AFF3: variants seen among roughly 807,000 people sequenced by gnomAD.
AFF3 encodes AF4/FMR2 family member 3.
AFF3 carries 32 observed loss-of-function variants against 129.7 expected under a neutral mutation model. That is an observed-to-expected ratio of 0.25 (90% CI 0.19 to 0.33). The LOEUF (loss-of-function observed/expected upper bound fraction) is 0.33, where lower values mean the gene tolerates loss of function less well. Among genes scored for constraint, AFF3 ranks in the 10% least tolerant of loss-of-function variants. The pLI is 1.00. For synonymous variants in AFF3, 644 were observed against 635.4 expected, an observed-to-expected ratio of 1.01 and a Z score of -0.20; for missense variants, 1,373 against 1,592.0, an observed-to-expected ratio of 0.86 and a Z score of 2.34.
At chr2:99,625,648 T>C (rs1264221806) in intron 13 of AFF3, among the ~76,000 whole-genome samples, 1 of 152,176 alleles carries the variant, frequency 6.6e-6, no homozygotes, top group African/African-American at 2.4e-5. Context: ...TTAATTATAA[T>C]TAATCACAGA....
chr2:99,805,831 C>CACACACAG (rs1686304595), intron 8 of AFF3, among the ~76,000 whole-genome samples: 1 of 151,714 alleles, frequency 6.6e-6, no homozygotes, highest in South Asian at 2.1e-4. Flanking sequence ...CACACACACA[C>CACACACAG]ACACACACAC....
chr2:100,041,867 A>T (rs908120905), intron 4 of AFF3, among the ~76,000 whole-genome samples: 1 of 152,246 alleles, frequency 6.6e-6, no homozygotes, highest in Non-Finnish European at 1.5e-5. Context: ...ATTACATGTA[A>T]TTACATGCAG....
intron 7 of AFF3, among the ~76,000 whole-genome samples, chr2:99,878,404 G>A: frequency 6.6e-6 from 1 of 152,104 alleles, no homozygotes; most frequent in East Asian, 1.9e-4. Context: ...CTGTAATCAT[G>A]TACTTATTGG....
rs143493402 is a variant in AFF3, at chr2:99,951,706, C to T, written c.873+54926G>A. On this transcript the variant is annotated intron_variant, in intron 7 of 24. Transcript: ENST00000672756. ...TGTCCCCCAGGCTGGAGTGCAATGG[C>T]GCAATCTCGGCTCACTGCAACCTCC... 8.1e-3 allele frequency among the ~76,000 whole-genome samples: 1,232 copies of T among 152,246 alleles called. 18 individuals carry two copies. Among genetic ancestry groups the T allele is most frequent in the African/African-American group, 0.028 (1,159 of 41,544 alleles).
chr2:99,570,906 C>G (rs974201603), intron 18 of AFF3, among the ~76,000 whole-genome samples: 6 of 152,230 alleles, frequency 3.9e-5, no homozygotes, highest in African/African-American at 1.2e-4. Flanking sequence ...CAATTTCCCC[C>G]GCCGTAAGGC....
rs769729156 is a variant in AFF3 at position 100,038,727 on chromosome 2, CT to C, written c.54-29796del. 5.2e-3 allele frequency among the ~76,000 whole-genome samples: 732 copies of C among 141,918 alleles called. 2 individuals are homozygous for C. Among genetic ancestry groups the C allele is most frequent in the African/African-American group, 7.3e-3 (288 of 39,404 alleles). The allele number at this position is 141,918 out of a possible 152,430, so 93.1% of individuals were successfully genotyped here. A position where few individuals can be genotyped will look rare whatever the true frequency, so the allele number is the denominator to read the frequency against. On this transcript the variant is annotated intron_variant, in intron 4 of 24. Coordinates refer to ENST00000672756, the MANE Select transcript of AFF3 (RefSeq NM_001386135.1). ...GCATATTTATTTTCTTCTTCTTCTTCTTTTTTTTTTTTTTAGACAGAGCCTC... is the reference window on the plus strand; with the variant it reads ...GCATATTTATTTTCTTCTTCTTCTTCTTTTTTTTTTTTTAGACAGAGCCTC...
At chr2:100,140,280 G>A (rs1692806374) in intron 1 of AFF3, among the ~76,000 whole-genome samples, 1 of 152,186 alleles carries the variant, frequency 6.6e-6, no homozygotes, top group Non-Finnish European at 1.5e-5. Context: ...CAAGACATCA[G>A]GTCCTTCCTC....
chr2:99,945,185 T>C (rs2106358622), intron 7 of AFF3, among the ~76,000 whole-genome samples: 1 of 152,304 alleles, frequency 6.6e-6, no homozygotes, highest in South Asian at 2.1e-4. Flanking sequence ...CAAACAGCCT[T>C]TAGCTGGTTG....
intron 7 of AFF3, among the ~76,000 whole-genome samples, chr2:99,991,002 G>A (rs1445895798): frequency 6.6e-6 from 1 of 152,098 alleles, no homozygotes; most frequent in Non-Finnish European, 1.5e-5. Flanking sequence ...CAGAACCACA[G>A]GCTCAAATGA....
intron 4 of AFF3, among the ~76,000 whole-genome samples, chr2:100,093,502 T>C (rs1690037260): frequency 6.6e-6 from 1 of 152,184 alleles, no homozygotes; most frequent in African/African-American, 2.4e-5. Context: ...GAAACCAACA[T>C]ACCCTACTTC....
rs1269063271 is a variant in AFF3 at position 99,850,062 on chromosome 2, T to C, written c.874-12538A>G. Among the ~76,000 whole-genome samples, 5 of 152,244 alleles carry C rather than the reference T, an allele frequency of 3.3e-5. No homozygotes were observed. The East Asian group carries it at 9.6e-4, about 29-fold the overall frequency. The stretch of plus-strand genomic sequence containing the variant: ...ATAAAGTATAGTAGAATATGGAATG[T>C]TATAGGGAAAAGTTAGACCAGGGTA... On this transcript the variant is annotated intron_variant, in intron 7 of 24. Coordinates refer to ENST00000672756, the MANE Select transcript of AFF3 (RefSeq NM_001386135.1).
rs767129879 is a variant in AFF3 at position 99,696,409 on chromosome 2, ACT to A, written c.1092-23822_1092-23821del. On this transcript the variant is annotated intron_variant, in intron 11 of 24. Transcript: ENST00000672756. ...TTTATCTAACACTTCTATTACTCAAACTCTGCATTTAATATTTGCAAAAGGTC... is the reference window on the plus strand; with the variant it reads ...TTTATCTAACACTTCTATTACTCAAACTGCATTTAATATTTGCAAAAGGTC... Among the ~76,000 whole-genome samples the A allele has an allele frequency of 1.3e-4, 20 of 152,108 alleles. 1 individual carries two copies. In the South Asian group the frequency reaches 1.7e-3, roughly 13 times the overall value.
intron 4 of AFF3, among the ~76,000 whole-genome samples, chr2:100,023,460 G>GA (rs754785640): frequency 9.9e-5 from 15 of 152,138 alleles, no homozygotes; most frequent in Non-Finnish European, 1.8e-4. Flanking sequence ...AAACATACTA[G>GA]AAAATTACTA....
intron 4 of AFF3, among the ~76,000 whole-genome samples, chr2:100,067,174 CAT>C (rs1687793872): frequency 1.5e-5 from 2 of 131,928 alleles, no homozygotes; most frequent in Admixed American, 7.5e-5. Flanking sequence ...CATGCTTCCA[CAT>C]AGTTAAAAAA....
intron 7 of AFF3, among the ~76,000 whole-genome samples, chr2:99,986,176 G>C (rs2104547687): frequency 6.7e-6 from 1 of 149,222 alleles, no homozygotes; most frequent in Non-Finnish European, 1.5e-5. Context: ...ACTCCAGCCT[G>C]GGCGACAGAG....
At chr2:99,557,875 G>T (rs955350253) in intron 22 of AFF3, among the ~76,000 whole-genome samples, 3 of 152,226 alleles carry the variant, frequency 2.0e-5, no homozygotes, top group African/African-American at 7.2e-5. Context: ...TTGTGTATCT[G>T]ACAAAGGGCT....
At chr2:99,953,989 G>A (rs1676398453) in intron 7 of AFF3, among the ~76,000 whole-genome samples, 1 of 152,242 alleles carries the variant, frequency 6.6e-6, no homozygotes, top group Non-Finnish European at 1.5e-5. Context: ...TAAGCACAGA[G>A]AGCCTGTATC....
rs1675804995 is a variant in AFF3, at chr2:99,948,058, A to G, written c.873+58574T>C. ...GAAGGTTGTGACAATTGTATTTAAAAGCAATAAAACCAAGTTGCTTCTCCA... is the reference window on the plus strand; with the variant it reads ...GAAGGTTGTGACAATTGTATTTAAAGGCAATAAAACCAAGTTGCTTCTCCA... On this transcript the variant is annotated intron_variant, in intron 7 of 24. Transcript: ENST00000672756. Among the ~76,000 whole-genome samples the G allele has an allele frequency of 2.0e-5, 3 of 152,176 alleles. 1 individual carries two copies. The South Asian group carries it at 6.2e-4, about 32-fold the overall frequency.
At position 99,551,658 on chromosome 2, in the gene AFF3, T is replaced by A. The variant is rs188594935; in HGVS notation, c.3560-63A>T. 74 of 1,596,768 alleles carry A rather than the reference T, an allele frequency of 4.6e-5. No homozygotes were observed. The East Asian group carries it at 1.5e-3, about 33-fold the overall frequency. ...TGCTAGGTGTGCTATCCTGAGCAAC[T>A]GATGTAAGGAAAAATTCCATTCATG... On this transcript the variant is annotated intron_variant, in intron 24 of 24. Transcript: ENST00000672756.
Sources: allele counts gnomAD v4.1 joint callset (sites outside exome capture counted in the v4.1 genomes callset), GRCh38; gene constraint gnomAD v4.1.1; transcripts MANE v1.5; gene names NCBI Gene and HGNC (gene_info 2026-07-23, HGNC 2026-07-21).